Variants in NCKAP5 observed in about 807,000 individuals in gnomAD.
NCKAP5 encodes NCK associated protein 5, also known as nck-associated protein 5.
A neutral mutation model predicts 167.0 loss-of-function variants in NCKAP5; 92 were observed. The ratio of observed to expected loss-of-function variants is 0.55; its 90% confidence interval spans 0.47 to 0.66. NCKAP5 has a LOEUF of 0.66. Ranked by LOEUF, NCKAP5 falls within the 30% of genes least tolerant of loss-of-function variation. NCKAP5 has a pLI of 0.00. For synonymous variants in NCKAP5, 891 were observed against 877.4 expected, an observed-to-expected ratio of 1.02 and a Z score of -0.27; for missense variants, 2,378 against 2,315.0, an observed-to-expected ratio of 1.03 and a Z score of -0.56.
intron 6 of NCKAP5, chr2:133,123,404 A>G (rs2082309846): frequency 5.5e-6 from 1 of 183,140 alleles, no homozygotes; most frequent in Admixed American, 5.4e-5. Flanking sequence ...GATCCATATT[A>G]TGTTATCCAG....
intron 19 of NCKAP5, among the ~76,000 whole-genome samples, chr2:132,675,641 C>T (rs537824308): frequency 5.3e-5 from 8 of 152,080 alleles, no homozygotes; most frequent in African/African-American, 1.7e-4. Flanking sequence ...AGAACATGAC[C>T]CCTGGAGGGA....
intron 6 of NCKAP5, among the ~76,000 whole-genome samples, chr2:133,016,325 A>C (rs2078333793): frequency 6.6e-6 from 1 of 152,208 alleles, no homozygotes; most frequent in Non-Finnish European, 1.5e-5. Context: ...TTGGTAATAC[A>C]GTGACAGTGG....
chr2:132,820,015 A>G (rs1007819912), intron 11 of NCKAP5, among the ~76,000 whole-genome samples: 17 of 152,178 alleles, frequency 1.1e-4, no homozygotes, highest in South Asian at 4.1e-4. Flanking sequence ...GAACCACAGG[A>G]TATTCTCTTC....
intron 8 of NCKAP5, among the ~76,000 whole-genome samples, chr2:132,902,663 T>G (rs1486206519): frequency 6.6e-6 from 1 of 152,206 alleles, no homozygotes; most frequent in Non-Finnish European, 1.5e-5. Flanking sequence ...GAAGAGAAAG[T>G]CAGCAACTTA....
At chr2:132,972,049 A>G (rs1313856001) in intron 7 of NCKAP5, among the ~76,000 whole-genome samples, 1 of 152,218 alleles carries the variant, frequency 6.6e-6, no homozygotes, top group Admixed American at 6.5e-5. Flanking sequence ...AGTAAAATGA[A>G]CAGATAATTA....
At chr2:133,604,252 C>G in the NCKAP5 span, among the ~76,000 whole-genome samples, 1 of 152,122 alleles carries the variant, frequency 6.6e-6, no homozygotes, top group South Asian at 2.1e-4. Context: ...GTCGCCCAGG[C>G]TGGTGTACAG....
rs2086305959 is a variant in NCKAP5, at chr2:133,213,732, G to T, written c.191C>A (p.Thr64Lys). The T allele has an allele frequency of 1.2e-6, 2 of 1,613,758 alleles. No homozygotes were observed. Among genetic ancestry groups the T allele is most frequent in the African/African-American group, 2.7e-5 (2 of 75,028 alleles). Residue 64 changes from threonine (T) to lysine (K), a missense_variant, in exon 5 of 20, where the codon ACA becomes AAA. By Grantham distance (78) the Thr-to-Lys change is moderately conservative (BLOSUM62 -1). This residue lies in a region of NCKAP5 where 1,049 missense variants were observed against 1,023.4 expected (regional missense o/e 1.02). Coordinates refer to ENST00000409261, the MANE Select transcript of NCKAP5 (RefSeq NM_207363.3). ...AGGACTTACCATGGCCCCCTCACTT[G>T]TTCTTTGGGCAACTTCTCGCTGTAG... The part of the protein sequence containing the change: ...ARLQREVAQR[T>K]SEGAMHEKLI...
chr2:132,901,765 A>G (rs1012161014), intron 8 of NCKAP5, among the ~76,000 whole-genome samples: 2 of 152,244 alleles, frequency 1.3e-5, no homozygotes, highest in African/African-American at 4.8e-5. Context: ...TTTATTTAAA[A>G]GAGCAAAAGG....
chr2:133,005,264 C>A (rs1037008829), intron 6 of NCKAP5, among the ~76,000 whole-genome samples: 4 of 152,034 alleles, frequency 2.6e-5, no homozygotes, highest in African/African-American at 7.2e-5. Context: ...TCAGAGATTG[C>A]CATAAAGACA....
intron 8 of NCKAP5, among the ~76,000 whole-genome samples, chr2:132,941,542 C>T (rs142170913): frequency 6.6e-6 from 1 of 152,212 alleles, no homozygotes; most frequent in Non-Finnish European, 1.5e-5. Context: ...TCCTAGGTGA[C>T]CCTTTTTACT....
At chr2:132,819,611 G>A (rs577473753) in intron 11 of NCKAP5, among the ~76,000 whole-genome samples, 3 of 152,072 alleles carry the variant, frequency 2.0e-5, no homozygotes, top group South Asian at 2.1e-4. Context: ...TAGGGAGCAC[G>A]GATGAGGATG....
At chr2:132,820,450 G>A (rs777704000) in intron 11 of NCKAP5, among the ~76,000 whole-genome samples, 1 of 151,828 alleles carries the variant, frequency 6.6e-6, no homozygotes, top group African/African-American at 2.4e-5. Context: ...GGATGGTCTC[G>A]ATCTCCTGAA....
At chr2:132,899,673 G>A (rs944615376) in intron 8 of NCKAP5, among the ~76,000 whole-genome samples, 1 of 152,174 alleles carries the variant, frequency 6.6e-6, no homozygotes, top group African/African-American at 2.4e-5. Flanking sequence ...TCATGAATTC[G>A]AGACCAGCCT....
chr2:132,675,509 G>T (rs1684320917), intron 19 of NCKAP5, among the ~76,000 whole-genome samples: 1 of 152,056 alleles, frequency 6.6e-6, no homozygotes, highest in African/African-American at 2.4e-5. Context: ...TCCTGGAAAT[G>T]CAAGTTCTTG....
At chr2:133,424,236 A>C (rs1689653049) in intron 3 of NCKAP5, among the ~76,000 whole-genome samples, 2 of 152,176 alleles carry the variant, frequency 1.3e-5, no homozygotes, top group South Asian at 2.1e-4. Context: ...CCAGGGTCAC[A>C]AAAGAGTCCT....
chr2:133,561,720 C>G (rs1558786927), intron 1 of NCKAP5, among the ~76,000 whole-genome samples: 1 of 152,104 alleles, frequency 6.6e-6, no homozygotes, highest in Non-Finnish European at 1.5e-5. Flanking sequence ...TTAACTTATC[C>G]TCCTTGGCAA....
chr2:133,377,087 T>G (rs1337075961), intron 3 of NCKAP5, among the ~76,000 whole-genome samples: 1 of 152,218 alleles, frequency 6.6e-6, no homozygotes, highest in African/African-American at 2.4e-5. Flanking sequence ...TTCTTACAGA[T>G]GAGTGTCTTG....
At chr2:132,795,650 T>C (rs1684518760) in intron 12 of NCKAP5, among the ~76,000 whole-genome samples, 1 of 151,688 alleles carries the variant, frequency 6.6e-6, no homozygotes, top group South Asian at 2.1e-4. Flanking sequence ...GAAACCCCTT[T>C]TGTAATAAAA....
At chr2:132,866,088 C>T (rs528476799) in intron 10 of NCKAP5, among the ~76,000 whole-genome samples, 1 of 152,216 alleles carries the variant, frequency 6.6e-6, no homozygotes, top group East Asian at 1.9e-4. Context: ...CCATACCCAG[C>T]TTTATTCCAT....
Sources: allele counts gnomAD v4.1 joint callset (sites outside exome capture counted in the v4.1 genomes callset), GRCh38; gene constraint gnomAD v4.1.1; regional missense constraint gnomAD v4.1.1; transcripts MANE v1.5; gene names NCBI Gene and HGNC (gene_info 2026-07-23, HGNC 2026-07-21).